The following SYT14 variants were observed in gnomAD, a reference collection of about 807,000 sequenced individuals.
The protein encoded by SYT14 is synaptotagmin-14.
In SYT14, 32 loss-of-function variants were observed where a neutral mutation model predicts 74.2. The observed-to-expected ratio is 0.43, with a 90% CI of 0.33 to 0.58. The LOEUF is 0.58. Ranked by LOEUF, SYT14 falls within the 20% of genes least tolerant of loss-of-function variation. SYT14 has a pLI of 0.05. For synonymous variants in SYT14, 298 were observed against 337.7 expected (o/e 0.88, Z 1.29); for missense variants, 791 against 981.8 (o/e 0.81, Z 2.60).
At chr1:210,094,122 G>A (rs1392763097) in intron 5 of SYT14, among the ~76,000 whole-genome samples, 200 bp from the exon 5 acceptor site, 3 of 152,066 alleles carry the variant, frequency 2.0e-5, no homozygotes, top group South Asian at 4.1e-4. Flanking sequence ...ATCTTATTAT[G>A]CAGGAGGCAA....
intron 2 of SYT14, chr1:209,966,006 G>A (rs1339465108): frequency 4.5e-6 from 2 of 445,300 alleles, no homozygotes; most frequent in African/African-American, 2.0e-5. Context: ...AAGTAACTGG[G>A]ACTACAGGTG....
chr1:209,939,127 C>G (rs538351264), intron 1 of SYT14, among the ~76,000 whole-genome samples: 1 of 152,214 alleles, frequency 6.6e-6, no homozygotes, highest in Admixed American at 6.5e-5. Context: ...TATATTTTGC[C>G]TTGTTTTTAA....
chr1:210,032,398 TC>T (rs1211373192), intron 5 of SYT14, among the ~76,000 whole-genome samples: 5 of 152,064 alleles, frequency 3.3e-5, no homozygotes, highest in African/African-American at 1.2e-4. Flanking sequence ...ATCAGGTTTG[TC>T]CCACACCAGG....
At chr1:209,974,969 A>T (rs1183123599) in intron 2 of SYT14, among the ~76,000 whole-genome samples, 3 of 152,124 alleles carry the variant, frequency 2.0e-5, no homozygotes, top group Admixed American at 2.0e-4. Context: ...ACTCTTTTTG[A>T]AGCAATTGTG....
chr1:210,085,980 G>A (rs1304826185), intron 5 of SYT14, among the ~76,000 whole-genome samples: 1 of 151,934 alleles, frequency 6.6e-6, no homozygotes, highest in Non-Finnish European at 1.5e-5. Flanking sequence ...TAAATAATAA[G>A]TTCACCAGTG....
rs72649929 is a variant in SYT14 at position 209,990,276 on chromosome 1, G to A, written c.-485-23357G>A. 0.015 allele frequency among the ~76,000 whole-genome samples: 2,299 copies of A among 151,830 alleles called. 173 individuals are homozygous for A. The East Asian group carries it at 0.24, about 16-fold the overall frequency. ...GTTCCAGATTGTTAGGGCTTCTCTA[G>A]AGCCACTCAGTCTGTGATGGAGATG... On this transcript the variant is annotated intron_variant, in intron 2 of 9. Coordinates refer to ENST00000637265, the Ensembl canonical transcript of SYT14.
At chr1:210,169,030 T>C (rs1373276030) in exon 10 of SYT14, 11 of 152,214 alleles carry the variant, frequency 7.2e-5, no homozygotes, top group African/African-American at 2.4e-4. Flanking sequence ...CTCCTTTTGG[T>C]GTCCTCCCTT....
exon 10 of SYT14, chr1:210,162,907 G>A (rs2083401967): frequency 2.2e-6 from 1 of 453,214 alleles, no homozygotes; most frequent in African/African-American, 2.0e-5. Context: ...ATCTTTTATT[G>A]TTACATCAAT....
At chr1:210,028,245 C>CT (rs1448769946) in intron 5 of SYT14, among the ~76,000 whole-genome samples, 1 of 148,402 alleles carries the variant, frequency 6.7e-6, no homozygotes, top group Non-Finnish European at 1.5e-5. Flanking sequence ...AATTTTATTC[C>CT]TTTTTTTTCT....
intron 2 of SYT14, among the ~76,000 whole-genome samples, chr1:210,008,872 A>G (rs1048264651): frequency 2.0e-5 from 3 of 152,132 alleles, no homozygotes; most frequent in South Asian, 2.1e-4. Context: ...ATAAGAATAT[A>G]TTTTTTATTA....
At chr1:209,943,626 T>C (rs2078774210) in intron 1 of SYT14, among the ~76,000 whole-genome samples, 1 of 151,944 alleles carries the variant, frequency 6.6e-6, no homozygotes, top group African/African-American at 2.4e-5. Flanking sequence ...TGAGTAATAC[T>C]ATTTGCATTA....
chr1:209,947,337 A>G (rs1289057661), intron 1 of SYT14, among the ~76,000 whole-genome samples: 1 of 152,218 alleles, frequency 6.6e-6, no homozygotes, highest in Non-Finnish European at 1.5e-5. Context: ...GAAAGGATTA[A>G]TCATTCTAGA....
intron 5 of SYT14, among the ~76,000 whole-genome samples, chr1:210,031,468 T>G (rs1323254313): frequency 6.6e-6 from 1 of 152,192 alleles, no homozygotes; most frequent in Non-Finnish European, 1.5e-5. Context: ...TTCTCTCTTC[T>G]GAAAGAGAGT....
At chr1:209,999,661 G>A (rs1440061824) in intron 2 of SYT14, among the ~76,000 whole-genome samples, 3 of 152,124 alleles carry the variant, frequency 2.0e-5, no homozygotes, top group African/African-American at 7.2e-5. Context: ...CACACAGAAA[G>A]ACATTGTATG....
chr1:209,975,910 C>T (rs2079353523), intron 2 of SYT14, among the ~76,000 whole-genome samples: 1 of 152,176 alleles, frequency 6.6e-6, no homozygotes, highest in South Asian at 2.1e-4. Flanking sequence ...AGAGATTCAA[C>T]TTTTTGCTGA....
At chr1:209,973,898 C>A (rs2079306548) in intron 2 of SYT14, among the ~76,000 whole-genome samples, 1 of 152,264 alleles carries the variant, frequency 6.6e-6, no homozygotes, top group African/African-American at 2.4e-5. Context: ...TTAATGATCG[C>A]CATTCTAACT....
intron 2 of SYT14, among the ~76,000 whole-genome samples, chr1:209,965,323 A>G (rs1293530604): frequency 2.6e-5 from 4 of 151,860 alleles, no homozygotes; most frequent in Non-Finnish European, 5.9e-5. Flanking sequence ...TTGATTTTCT[A>G]TTTCTCCATT....
At chr1:209,958,845 G>T (rs1042091815) in intron 2 of SYT14, among the ~76,000 whole-genome samples, 3 of 151,968 alleles carry the variant, frequency 2.0e-5, no homozygotes, top group Admixed American at 2.0e-4. Context: ...AAACAAAATA[G>T]AACTAAAAGG....
intron 5 of SYT14, among the ~76,000 whole-genome samples, chr1:210,067,804 G>A (rs559756842): frequency 6.6e-6 from 1 of 151,988 alleles, no homozygotes; most frequent in South Asian, 2.1e-4. Flanking sequence ...AATGTGAGAT[G>A]TAAAGATTGA....
Sources: allele counts gnomAD v4.1 joint callset (sites outside exome capture counted in the v4.1 genomes callset), GRCh38; gene constraint gnomAD v4.1.1; transcripts MANE v1.5; gene names NCBI Gene and HGNC (gene_info 2026-07-23, HGNC 2026-07-21).